The following ZNF469 variants were observed in gnomAD, a reference collection of about 807,000 sequenced individuals.
The protein encoded by ZNF469 is zinc finger protein 469.
Under a neutral mutation model 1.0 loss-of-function variants are expected in ZNF469, and 1 was observed. That is an observed-to-expected ratio of 1.00 (90% CI 0.35 to 4.73). The LOEUF is 4.73. Among genes scored for constraint, ZNF469 ranks in the 30% most tolerant of loss-of-function variants. The pLI is 0.16. For missense variants in ZNF469, 6,100 were observed against 5,356.3 expected (o/e 1.14, Z -4.33); for synonymous variants, 2,703 against 2,363.4 (o/e 1.14, Z -4.17).
the ZNF469 span, among the ~76,000 whole-genome samples, chr16:88,237,709 T>G: frequency 4.6e-5 from 2 of 43,782 alleles, no homozygotes; most frequent in African/African-American, 1.6e-4. Context: ...CTCCTGCCAG[T>G]CACCCTCCCT....
chr16:88,414,377 G>A (rs923355626), intron 1 of ZNF469, among the ~76,000 whole-genome samples: 4 of 152,226 alleles, frequency 2.6e-5, no homozygotes, highest in East Asian at 1.9e-4. Flanking sequence ...ATCTGGCCTC[G>A]GGGGCACCTG....
Position 88,435,351 on chromosome 16 carries a change from A to C in ZNF469, c.7881A>C (p.Ser2627=). Residue 2627 remains serine (S), a synonymous_variant, in exon 3 of 3, where the codon TCA becomes TCC. Transcript: ENST00000565624. ...CCACCGTGGACTCTCCTAGCCACTCAGAGGGGAAGTCAAATAAGAAAAGGG... is the reference window on the plus strand; with the variant it reads ...CCACCGTGGACTCTCCTAGCCACTCCGAGGGGAAGTCAAATAAGAAAAGGG... ...REPTVDSPSH[S]EGKSNKKRGK... 6.4e-7 allele frequency: 1 copy of C among 1,550,412 alleles called. No homozygotes were observed. The highest frequency in any genetic ancestry group is 8.7e-7 in the Non-Finnish European group (1 of 1,146,996).
the ZNF469 span, among the ~76,000 whole-genome samples, chr16:88,365,283 C>T: frequency 1.3e-5 from 2 of 152,194 alleles, no homozygotes; most frequent in East Asian, 3.9e-4. Context: ...GTTTATGTTG[C>T]TCTACTTGTC....
At chr16:88,361,421 T>C in the ZNF469 span, among the ~76,000 whole-genome samples, 3 of 152,208 alleles carry the variant, frequency 2.0e-5, no homozygotes, top group Non-Finnish European at 4.4e-5. Flanking sequence ...AAAACTAACC[T>C]ATGATGGAAA....
the ZNF469 span, among the ~76,000 whole-genome samples, chr16:88,271,931 G>A: frequency 6.6e-6 from 1 of 152,166 alleles, no homozygotes; most frequent in Non-Finnish European, 1.5e-5. Context: ...ATGGGTAGAT[G>A]AGTGGGTGGA....
chr16:88,376,508 G>A, the ZNF469 span, among the ~76,000 whole-genome samples: 4 of 152,290 alleles, frequency 2.6e-5, no homozygotes, highest in Admixed American at 2.0e-4. Context: ...CGGGGCCCTC[G>A]CTCTGCCGCC....
chr16:88,429,405 C>T lies in ZNF469; in HGVS notation c.1935C>T (p.Gly645=), dbSNP rs1357384784. ...FHPPTHPQET[G]SPFPSPEPPH... The stretch of plus-strand genomic sequence containing the variant: ...CACCCACTCACCCCCAGGAGACGGG[C>T]AGCCCCTTCCCGTCCCCGGAGCCCC... Residue 645 remains glycine, a synonymous_variant, in exon 3 of 3, where the codon GGC becomes GGT. Transcript: ENST00000565624. 1.5e-5 allele frequency: 23 copies of T among 1,546,258 alleles called. No homozygotes were observed. The highest frequency in any genetic ancestry group is 2.0e-5 in the Non-Finnish European group (23 of 1,143,846).
chr16:88,360,972 T>C, the ZNF469 span, among the ~76,000 whole-genome samples: 2 of 152,246 alleles, frequency 1.3e-5, no homozygotes, highest in Admixed American at 6.5e-5. Context: ...TTGTGCACAT[T>C]ATTTCTATTA....
At chr16:88,227,494 C>A in the ZNF469 span, among the ~76,000 whole-genome samples, 2 of 149,798 alleles carry the variant, frequency 1.3e-5, no homozygotes, top group African/African-American at 5.0e-5. Flanking sequence ...CTCCCTGTGT[C>A]CCCGTCTCCC....
At chr16:88,265,683 C>T in the ZNF469 span, among the ~76,000 whole-genome samples, 23 of 152,214 alleles carry the variant, frequency 1.5e-4, no homozygotes, top group African/African-American at 5.5e-4. Context: ...CACAGGAAAC[C>T]CGCCCGTCCT....
the ZNF469 span, among the ~76,000 whole-genome samples, chr16:88,365,581 C>A: frequency 6.6e-6 from 1 of 152,242 alleles, no homozygotes; most frequent in African/African-American, 2.4e-5. Flanking sequence ...AAGCCCTCGG[C>A]TGTGCCTGGG....
chr16:88,318,980 C>A, the ZNF469 span, among the ~76,000 whole-genome samples: 672 of 152,362 alleles, frequency 4.4e-3, 2 homozygotes, highest in Middle Eastern at 0.044. Context: ...GTCTCATTAC[C>A]TGGGGGTCAG....
the ZNF469 span, among the ~76,000 whole-genome samples, chr16:88,367,774 C>T: frequency 1.1e-4 from 17 of 152,184 alleles, no homozygotes; most frequent in Admixed American, 2.0e-4. Context: ...CCTGGGGTCC[C>T]GGGCTCATGG....
At chr16:88,378,237 G>T (rs117815130), upstream of ZNF469, among the ~76,000 whole-genome samples, 1 of 152,132 alleles carries the variant, frequency 6.6e-6, no homozygotes, top group African/African-American at 2.4e-5. Context: ...CACACACGGC[G>T]GGCAGGGAGC....
chr16:88,364,003 A>T, the ZNF469 span, among the ~76,000 whole-genome samples: 6 of 152,198 alleles, frequency 3.9e-5, no homozygotes, highest in Admixed American at 3.9e-4. Flanking sequence ...TTTATTTATC[A>T]GTCTTTTCCT....
At chr16:88,149,857 C>A in the ZNF469 span, among the ~76,000 whole-genome samples, 2 of 152,204 alleles carry the variant, frequency 1.3e-5, no homozygotes, top group Non-Finnish European at 2.9e-5. Flanking sequence ...CCAGTGAACT[C>A]CTACTTATCC....
At chr16:88,286,105 C>T in the ZNF469 span, among the ~76,000 whole-genome samples, 1 of 152,248 alleles carries the variant, frequency 6.6e-6, no homozygotes, top group Admixed American at 6.5e-5. Flanking sequence ...GGGGATGGAG[C>T]ACATTCCCCT....
the ZNF469 span, among the ~76,000 whole-genome samples, chr16:88,124,084 T>C: frequency 6.6e-6 from 1 of 152,260 alleles, no homozygotes; most frequent in Non-Finnish European, 1.5e-5. Flanking sequence ...ATCACAGGCA[T>C]GAGCCAACGC....
the ZNF469 span, among the ~76,000 whole-genome samples, chr16:88,120,146 A>G: frequency 6.6e-6 from 1 of 152,164 alleles, no homozygotes; most frequent in Admixed American, 6.5e-5. Flanking sequence ...CCCCTGAGCC[A>G]TTCTCCAGCT....
Sources: gnomAD v4.1 joint callset for allele counts (sites outside exome capture counted in the v4.1 genomes callset) on GRCh38, gnomAD v4.1.1 for gene constraint, MANE v1.5 for transcripts, NCBI Gene and HGNC (gene_info 2026-07-23, HGNC 2026-07-21) for gene names.